The following PHF12 variants were observed in gnomAD, a reference collection of about 807,000 sequenced individuals.
PHF12 encodes PHD factor 1.
Under a neutral mutation model 99.8 loss-of-function variants are expected in PHF12, and 6 were observed. The observed-to-expected ratio is 0.06, with a 90% CI of 0.03 to 0.12. The LOEUF (loss-of-function observed/expected upper bound fraction) is 0.12. PHF12 is among the 10% of genes least tolerant of loss of function. The probability of loss-of-function intolerance (pLI) is 1.00; values close to 1 mark genes in which losing one functional copy is unlikely to be tolerated. For missense variants in PHF12, 954 were observed against 1,300.1 expected, an observed-to-expected ratio of 0.73 and a Z score of 4.09; for synonymous variants, 480 against 514.9, an observed-to-expected ratio of 0.93 and a Z score of 0.92.
intron 2 of PHF12, among the ~76,000 whole-genome samples, chr17:28,931,654 T>C (rs930793976): frequency 2.0e-5 from 3 of 151,608 alleles, no homozygotes; most frequent in African/African-American, 4.9e-5. Flanking sequence ...TGATCTCGGC[T>C]CACTGCAACC....
intron 4 of PHF12, among the ~76,000 whole-genome samples, chr17:28,922,759 G>A (rs2040188767): frequency 6.6e-6 from 1 of 152,098 alleles, no homozygotes; most frequent in African/African-American, 2.4e-5. Flanking sequence ...TGACGTATCT[G>A]TACAAAGAAC....
Position 28,917,253 on chromosome 17 carries a change from T to G in PHF12, c.1134+32A>C, listed in dbSNP as rs543314249. 5.6e-6 allele frequency: 9 copies of G among 1,612,518 alleles called. No homozygotes were observed. In the African/African-American group the frequency reaches 6.7e-5, roughly 12 times the overall value. On this transcript the variant is annotated intron_variant, in intron 7 of 14. Transcript: ENST00000332830. ...GTCTAACCCATGATGGCAGGCAGAC[T>G]ACCATCTTGCCTGCACCTGATTGTG...
intron 3 of PHF12, 114 bp from the exon 4 acceptor site, chr17:28,924,416 C>T (rs760451245): frequency 4.3e-6 from 6 of 1,399,630 alleles, no homozygotes; most frequent in Middle Eastern, 1.8e-4. Flanking sequence ...TCACATATCA[C>T]AGACTCATCT....
chr17:28,929,911 A>G (rs898540052), intron 2 of PHF12: 20 of 152,374 alleles, frequency 1.3e-4, no homozygotes, highest in Admixed American at 1.3e-3. Flanking sequence ...AAAGGCCTAC[A>G]GACTCTGCTA....
At chr17:28,935,492 G>A (rs2040492671) in intron 2 of PHF12, among the ~76,000 whole-genome samples, 1 of 152,080 alleles carries the variant, frequency 6.6e-6, no homozygotes, top group South Asian at 2.1e-4. Context: ...GGCTGGTCTT[G>A]AACTCCTGAC....
intron 2 of PHF12, among the ~76,000 whole-genome samples, chr17:28,942,364 G>A (rs2152677940): frequency 6.6e-6 from 1 of 151,982 alleles, no homozygotes; most frequent in African/African-American, 2.4e-5. Context: ...TACAAAAAAA[G>A]GAAAAAATTA....
rs1349906287 is a variant in PHF12 at position 28,935,535 on chromosome 17, G to A, written c.249-8472C>T. 2.6e-5 allele frequency among the ~76,000 whole-genome samples: 4 copies of A among 152,136 alleles called. No homozygotes were observed. In the East Asian group the frequency reaches 7.7e-4, roughly 29 times the overall value. ...GATCCGCCCTCCTCAGCCTCCCAAA[G>A]TGTTGGGATTACAGGTGTGAGCCAC... On this transcript the variant is annotated intron_variant, in intron 2 of 14. Coordinates refer to ENST00000332830, the MANE Select transcript of PHF12 (RefSeq NM_001033561.2).
intron 2 of PHF12, among the ~76,000 whole-genome samples, chr17:28,932,781 A>C (rs539909868): frequency 2.0e-5 from 3 of 152,140 alleles, no homozygotes; most frequent in Non-Finnish European, 4.4e-5. Flanking sequence ...CCCTGTCTCT[A>C]CTAAAAACAC....
At chr17:28,910,523 G>C (rs144094272) in intron 10 of PHF12, among the ~76,000 whole-genome samples, 154 bp from the exon 11 acceptor site, 2 of 152,258 alleles carry the variant, frequency 1.3e-5, no homozygotes, top group African/African-American at 4.8e-5. Flanking sequence ...ACAAGGATCT[G>C]CAGCTGGGCA....
Position 28,912,844 on chromosome 17 carries a change from G to A in PHF12, c.1727C>T (p.Ser576Leu), listed in dbSNP as rs2039989237. The change falls in exon 9 of 15, where the codon TCA becomes TTA. Residue 576 changes from serine (S) to leucine (L), a missense_variant. Ser to Leu is a moderately radical substitution (Grantham distance 145). Transcript: ENST00000332830. ...GGGCCGGGGCCAGCCTTGCCGGTGT[G>A]AGAGGCCTGGTAGTGGGGTGTTAGC... Reference protein sequence around the residue: ...PGANTPLPGLSHRQGWPRPLT... With the variant: ...PGANTPLPGLLHRQGWPRPLT... 6.2e-7 allele frequency: 1 copy of A among 1,608,566 alleles called. No homozygotes were observed. The highest frequency in any genetic ancestry group is 1.7e-5 in the Admixed American group (1 of 59,614).
chr17:28,912,787 T>C lies in PHF12; in HGVS notation c.1784A>G (p.Asn595Ser). The change falls in exon 9 of 15, where the codon AAC becomes AGC. Residue 595 changes from asparagine to serine, a missense_variant. This residue lies in a region of PHF12 where 392 missense variants were observed against 423.1 expected (regional missense o/e 0.93). Transcript: ENST00000332830. ...LTPPAAGGLQ[N>S]HTVGIIVKTE... ...CTTCACAATGATGCCGACGGTGTGG[T>C]TCTGAAGGCCCCCAGCCGCTGGTGG... 1.2e-6 allele frequency: 2 copies of C among 1,611,490 alleles called. No individual in the cohort carries two copies. Among genetic ancestry groups the C allele is most frequent in the Non-Finnish European group, 1.7e-6 (2 of 1,178,106 alleles).
At chr17:28,919,060 A>C (rs1169123876) in intron 6 of PHF12, 83 bp downstream of exon 6, 1 of 1,495,398 alleles carries the variant, frequency 6.7e-7, no homozygotes, top group Non-Finnish European at 9.0e-7. Context: ...CTTGGCACCA[A>C]GCTGACCTTA....
chr17:28,912,964 G>A lies in PHF12; in HGVS notation c.1607C>T (p.Thr536Ile). The change falls in exon 9 of 15, where the codon ACT becomes ATT. Residue 536 changes from threonine (T) to isoleucine (I), a missense_variant. Thr to Ile is a moderately conservative substitution (Grantham distance 89, BLOSUM62 -1). This residue lies in a region of PHF12 where 392 missense variants were observed against 423.1 expected (regional missense o/e 0.93). Coordinates refer to ENST00000332830, the MANE Select transcript of PHF12 (RefSeq NM_001033561.2). Reference sequence around the variant, plus strand: ...CTCTGTGTTCACTGGCCCATTGGCAGTCCCACAAGGGGTTTTCTTGGATTT... The same window carrying A: ...CTCTGTGTTCACTGGCCCATTGGCAATCCCACAAGGGGTTTTCTTGGATTT... ...AEKSKKTPCG[T>I]ANGPVNTEVK... The A allele has an allele frequency of 6.2e-7, 1 of 1,614,240 alleles. No homozygotes were observed. Among genetic ancestry groups the A allele is most frequent in the Non-Finnish European group, 8.5e-7 (1 of 1,180,038 alleles).
intron 6 of PHF12, among the ~76,000 whole-genome samples, 159 bp from the exon 7 acceptor site, chr17:28,917,608 A>C (rs1304715625): frequency 1.3e-5 from 2 of 152,176 alleles, no homozygotes; most frequent in African/African-American, 4.8e-5. Flanking sequence ...AGAGCAAGGG[A>C]ACATGGATGA....
At chr17:28,924,436 C>T in intron 3 of PHF12, 134 bp from the exon 4 acceptor site, 1 of 1,192,124 alleles carries the variant, frequency 8.4e-7, no homozygotes, top group Non-Finnish European at 1.2e-6. Context: ...TACCTGGTCA[C>T]TTGGAACACT....
At chr17:28,916,675 C>T (rs924003506) in intron 7 of PHF12, among the ~76,000 whole-genome samples, 4 of 152,218 alleles carry the variant, frequency 2.6e-5, no homozygotes, top group African/African-American at 9.7e-5. Flanking sequence ...TTAAAAACAT[C>T]CTCACTACCA....
Position 28,914,658 on chromosome 17 carries a change from C to T in PHF12, c.1135-621G>A, listed in dbSNP as rs552871900. 1.6e-4 allele frequency among the ~76,000 whole-genome samples: 17 copies of T among 109,572 alleles called. No homozygotes were observed. The Admixed American group carries it at 1.6e-3, about 10-fold the overall frequency. 71.9% of individuals were successfully genotyped at this position (109,572 alleles called of 152,430 possible). A position where few individuals can be genotyped will look rare whatever the true frequency, so the allele number is the denominator to read the frequency against. On this transcript the variant is annotated intron_variant, in intron 7 of 14. Transcript: ENST00000332830. The stretch of plus-strand genomic sequence containing the variant: ...CTGCAGTCCGGCCTGGGTGAAAGAG[C>T]GAGACTCCGTCTCAAAAAAAAAAAA...
chr17:28,931,417 C>T (rs1022712250), intron 2 of PHF12, among the ~76,000 whole-genome samples: 11 of 147,834 alleles, frequency 7.4e-5, no homozygotes, highest in Admixed American at 1.4e-4. Context: ...CCATCACACC[C>T]GGCTAATTTT....
rs34310397 is a variant in PHF12, at chr17:28,941,039, C to CTT, written c.248+9024_248+9025dup. The stretch of plus-strand genomic sequence containing the variant: ...AGCCCAGTGGAGGGGGGAAAACAGA[C>CTT]TTTTTTTTTTTTTTTTTTCCTGTTC... On this transcript the variant is annotated intron_variant, in intron 2 of 14. Transcript: ENST00000332830. 1.5e-3 allele frequency among the ~76,000 whole-genome samples: 205 copies of CTT among 134,312 alleles called. 3 individuals are homozygous for CTT. Among genetic ancestry groups the CTT allele is most frequent in the African/African-American group, 4.2e-3 (153 of 36,552 alleles). The allele number at this position is 134,312 out of a possible 152,430, so 88.1% of individuals were successfully genotyped here. A position where few individuals can be genotyped will look rare whatever the true frequency, so the allele number is the denominator to read the frequency against.
Sources: gnomAD v4.1 joint callset for allele counts (sites outside exome capture counted in the v4.1 genomes callset) on GRCh38, gnomAD v4.1.1 for gene constraint, gnomAD v4.1.1 regional missense constraint, MANE v1.5 for transcripts, NCBI Gene and HGNC (gene_info 2026-07-23, HGNC 2026-07-21) for gene names.